Variants in DPYSL2 observed in about 807,000 individuals in gnomAD.
DPYSL2 encodes the protein dihydropyrimidinase like 2.
Under a neutral mutation model 69.9 loss-of-function variants are expected in DPYSL2, and 13 were observed. The observed-to-expected ratio is 0.19, with a 90% CI of 0.12 to 0.30. The LOEUF is 0.30. Among genes scored for constraint, DPYSL2 ranks in the 10% least tolerant of loss-of-function variants. DPYSL2 has a pLI of 1.00. For synonymous variants in DPYSL2, 326 were observed against 359.1 expected, an observed-to-expected ratio of 0.91 and a Z score of 1.04; for missense variants, 587 against 918.9, an observed-to-expected ratio of 0.64 and a Z score of 4.67.
intron 3 of DPYSL2, among the ~76,000 whole-genome samples, chr8:26,615,992 C>G (rs532041818): frequency 6.6e-6 from 1 of 152,318 alleles, no homozygotes; most frequent in South Asian, 2.1e-4. Context: ...TATCAAACCA[C>G]ATCTATGTAG....
intron 1 of DPYSL2, among the ~76,000 whole-genome samples, chr8:26,543,829 C>T (rs1170514835): frequency 6.6e-6 from 1 of 152,112 alleles, no homozygotes; most frequent in African/African-American, 2.4e-5. Context: ...TCAGGGTGTT[C>T]CTATTTAAAA....
At position 26,627,136 on chromosome 8, in the gene DPYSL2, T is replaced by C; in HGVS notation, c.856-79T>C. 7.3e-7 allele frequency: 1 copy of C among 1,363,360 alleles called. No individual in the cohort carries two copies. Among genetic ancestry groups the C allele is most frequent in the Non-Finnish European group, 1.0e-6 (1 of 956,294 alleles). 84.5% of individuals were successfully genotyped at this position (1,363,360 alleles called of 1,614,324 possible). Reference sequence around the variant, plus strand: ...TCCTGTTTCTCATCCCAGAAATGCCTCTGGTGGGGAGATGATTGTCTTTGT... The same window carrying C: ...TCCTGTTTCTCATCCCAGAAATGCCCCTGGTGGGGAGATGATTGTCTTTGT... On this transcript the variant is annotated intron_variant, in intron 5 of 13. Transcript: ENST00000521913. The surrounding 1 kb of genome is among the most constrained non-coding windows in gnomAD (Gnocchi z 6.9).
At chr8:26,638,601 A>G (rs1189092348) in intron 8 of DPYSL2, among the ~76,000 whole-genome samples, 1 of 152,220 alleles carries the variant, frequency 6.6e-6, no homozygotes, top group Non-Finnish European at 1.5e-5. Flanking sequence ...GTTCAGCAGG[A>G]TGGCGTGTTC....
Position 26,524,835 on chromosome 8 carries a change from A to AGGG in DPYSL2, c.354+10156_354+10157insGGG, listed in dbSNP as rs1375822212. On this transcript the variant is annotated intron_variant, in intron 1 of 13. Coordinates refer to ENST00000521913, the MANE Select transcript of DPYSL2 (RefSeq NM_001197293.3). ...AAAAAAAAAAAAAAAAAAAAAAAAA[A>AGGG]AGAGAGAGAATTACTGTTTTTCAAT... Among the ~76,000 whole-genome samples the AGGG allele has an allele frequency of 4.0e-5, 3 of 74,226 alleles. 1 individual carries two copies. The highest frequency in any genetic ancestry group is 8.6e-5 in the African/African-American group (2 of 23,220). 48.7% of individuals were successfully genotyped at this position (74,226 alleles called of 152,430 possible). A position where few individuals can be genotyped will look rare whatever the true frequency, so the allele number is the denominator to read the frequency against.
chr8:26,603,696 C>A (rs327230), intron 3 of DPYSL2, among the ~76,000 whole-genome samples: 3,206 of 152,136 alleles, frequency 0.021, 117 homozygotes, highest in African/African-American at 0.075. Context: ...CTGGTGGCCC[C>A]TATTCTATTA....
rs180755625 is a variant in DPYSL2, at chr8:26,638,223, C to T, written c.1126+3323C>T. Among the ~76,000 whole-genome samples, 265 of 152,272 alleles carry T rather than the reference C, an allele frequency of 1.7e-3. 4 individuals are homozygous for T. Among genetic ancestry groups the T allele is most frequent in the Non-Finnish European group, 8.5e-4 (58 of 68,024 alleles). On this transcript the variant is annotated intron_variant, in intron 8 of 13. Coordinates refer to ENST00000521913, the MANE Select transcript of DPYSL2 (RefSeq NM_001197293.3). ...GGGAAGGATGCTGAGTGGAAAGTCA[C>T]ATTGGGAGGTAGTCGGGGCTACAAA...
intron 1 of DPYSL2, among the ~76,000 whole-genome samples, chr8:26,569,340 C>A (rs1471812442): frequency 1.7e-5 from 2 of 120,314 alleles, no homozygotes; most frequent in African/African-American, 3.1e-5. Context: ...GGTGACAGGG[C>A]AAGACCCTAT....
Position 26,643,919 on chromosome 8 carries a change from T to A in DPYSL2, c.1284-31T>A, listed in dbSNP as rs754858102. ...TAGGCGCACAGCATCTTGACGAAGCTGCAGCACCACGTTATGCATTTTCTT... is the reference window on the plus strand; with the variant it reads ...TAGGCGCACAGCATCTTGACGAAGCAGCAGCACCACGTTATGCATTTTCTT... On this transcript the variant is annotated intron_variant, in intron 9 of 13. Transcript: ENST00000521913. The surrounding 1 kb of genome is among the most constrained non-coding windows in gnomAD (Gnocchi z 6.5). The A allele has an allele frequency of 1.2e-6, 2 of 1,607,546 alleles. No individual in the cohort carries two copies. The highest frequency in any genetic ancestry group is 1.7e-6 in the Non-Finnish European group (2 of 1,175,902).
Position 26,556,124 on chromosome 8 carries a change from T to A in DPYSL2, c.355-25845T>A, listed in dbSNP as rs1248777764. On this transcript the variant is annotated intron_variant, in intron 1 of 13. Coordinates refer to ENST00000521913, the MANE Select transcript of DPYSL2 (RefSeq NM_001197293.3). ...ATATATAGTATATATATACTATATATATTATATATACTATATATAGTATAT... is the reference window on the plus strand; with the variant it reads ...ATATATAGTATATATATACTATATAAATTATATATACTATATATAGTATAT... Among the ~76,000 whole-genome samples, 47 of 9,366 alleles carry A rather than the reference T, an allele frequency of 5.0e-3. 2 individuals are homozygous for A. In the East Asian group the frequency reaches 0.14, roughly 28 times the overall value. The allele number at this position is 9,366 out of a possible 152,430, so 6.1% of individuals were successfully genotyped here. A position where few individuals can be genotyped will look rare whatever the true frequency, so the allele number is the denominator to read the frequency against.
intron 3 of DPYSL2, among the ~76,000 whole-genome samples, chr8:26,592,714 T>G (rs1003722610): frequency 1.3e-5 from 2 of 151,830 alleles, no homozygotes; most frequent in Non-Finnish European, 2.9e-5. Flanking sequence ...TGACCTCAGG[T>G]GATCCACCCG....
chr8:26,589,455 A>G (rs1563399117), intron 3 of DPYSL2, among the ~76,000 whole-genome samples: 1 of 152,238 alleles, frequency 6.6e-6, no homozygotes, highest in Non-Finnish European at 1.5e-5. Context: ...TGAATGAGTG[A>G]GTGAATGAAT....
Position 26,556,257 on chromosome 8 carries a change from T to A in DPYSL2, c.355-25712T>A, listed in dbSNP as rs1438059792. Among the ~76,000 whole-genome samples the A allele has an allele frequency of 2.6e-4, 2 of 7,640 alleles. 1 individual carries two copies. The highest frequency in any genetic ancestry group is 6.2e-4 in the African/African-American group (2 of 3,246). 5.0% of individuals were successfully genotyped at this position (7,640 alleles called of 152,430 possible). A position where few individuals can be genotyped will look rare whatever the true frequency, so the allele number is the denominator to read the frequency against. ...ATTTATATAATATATATAGTATATA[T>A]ATACTATAGTATATATAGTATTTAT... On this transcript the variant is annotated intron_variant, in intron 1 of 13. Coordinates refer to ENST00000521913, the MANE Select transcript of DPYSL2 (RefSeq NM_001197293.3).
chr8:26,553,017 T>A (rs1353668104), intron 1 of DPYSL2, among the ~76,000 whole-genome samples: 1 of 152,160 alleles, frequency 6.6e-6, no homozygotes. Flanking sequence ...TAAAGGAAGA[T>A]TATGAACAAC....
In DPYSL2 at chr8:26,617,166, A is replaced by G. The variant is rs1802373804; in HGVS notation, c.629-6977A>G. On this transcript the variant is annotated intron_variant, in intron 3 of 13. Transcript: ENST00000521913. This position sits in a 1 kb window ranked among gnomAD's most constrained non-coding sequence, Gnocchi z 4.7. ...ATCAGTGTCGCTCCCTGGCTGTAAT[A>G]TTGTACTATAATTAGGCAAGATGTT... Among the ~76,000 whole-genome samples the G allele has an allele frequency of 6.6e-6, 1 of 152,162 alleles. No individual in the cohort carries two copies. Among genetic ancestry groups the G allele is most frequent in the African/African-American group, 2.4e-5 (1 of 41,436 alleles).
At chr8:26,556,279 T>A (rs28428812) in intron 1 of DPYSL2, among the ~76,000 whole-genome samples, 446 of 2,764 alleles carry the variant, frequency 0.16, 112 homozygotes, top group Middle Eastern at 0.75. Context: ...TATATAGTAT[T>A]TATATAATAT....
At chr8:26,616,478 C>A (rs756466069) in intron 3 of DPYSL2, among the ~76,000 whole-genome samples, 1 of 152,062 alleles carries the variant, frequency 6.6e-6, no homozygotes, top group Non-Finnish European at 1.5e-5. Context: ...TAATTCAAGT[C>A]GATTCATTTA....
At position 26,597,357 on chromosome 8, in the gene DPYSL2, T is replaced by A. The variant is rs1217391212; in HGVS notation, c.628+13374T>A. 6.6e-6 allele frequency among the ~76,000 whole-genome samples: 1 copy of A among 152,274 alleles called. No individual in the cohort carries two copies. The highest frequency in any genetic ancestry group is 1.5e-5 in the Non-Finnish European group (1 of 68,050). On this transcript the variant is annotated intron_variant, in intron 3 of 13. Transcript: ENST00000521913. The surrounding 1 kb of genome is among the most constrained non-coding windows in gnomAD (Gnocchi z 5.2). ...GCTCCGAGGTTGCCTTGCCCTTGCC[T>A]GGCACTCATCTTTTGCATTTCTCTG...
chr8:26,626,482 AACACACACACACAC>A lies in DPYSL2; in HGVS notation c.794-108_794-95del, dbSNP rs58931747. 80,535 of 546,874 alleles carry A rather than the reference AACACACACACACAC, an allele frequency of 0.15. 4,078 individuals are homozygous for A. Among genetic ancestry groups the A allele is most frequent in the Middle Eastern group, 0.21 (616 of 2,890 alleles). The allele number at this position is 546,874 out of a possible 1,614,324, so 33.9% of individuals were successfully genotyped here. On this transcript the variant is annotated intron_variant, in intron 4 of 13. Coordinates refer to ENST00000521913, the MANE Select transcript of DPYSL2 (RefSeq NM_001197293.3). This position sits in a 1 kb window ranked among gnomAD's most constrained non-coding sequence, Gnocchi z 4.3. ...TCTCCTCTCTCTTTCTCTGTACTGA[AACACACACACACAC>A]ACACACACACACACACACACACACA...
chr8:26,548,714 C>G (rs1800822918), intron 1 of DPYSL2, among the ~76,000 whole-genome samples: 2 of 151,482 alleles, frequency 1.3e-5, no homozygotes, highest in Non-Finnish European at 1.5e-5. Context: ...GAGACCTCCT[C>G]TCTTAAAAAA....
Sources: allele counts gnomAD v4.1 joint callset (sites outside exome capture counted in the v4.1 genomes callset), GRCh38; gene constraint gnomAD v4.1.1; non-coding constraint Gnocchi (gnomAD v3.1); transcripts MANE v1.5; gene names NCBI Gene and HGNC (gene_info 2026-07-23, HGNC 2026-07-21).